Variants in DNASE1 observed in about 807,000 individuals in gnomAD.
DNASE1 encodes deoxyribonuclease-1.
A neutral mutation model predicts 33.9 loss-of-function variants in DNASE1; 40 were observed. That is an observed-to-expected ratio of 1.18 (90% CI 0.92 to 1.54). DNASE1 has a LOEUF of 1.54. Ranked by LOEUF, DNASE1 falls within the 40% of genes most tolerant of loss-of-function variation. The pLI is 0.00. For missense variants in DNASE1, 518 were observed against 372.6 expected (o/e 1.39, Z -3.21); for synonymous variants, 216 against 160.0 (o/e 1.35, Z -2.64).
At chr16:3,660,245 G>A (rs943557306), downstream of DNASE1, 1 of 152,236 alleles carries the variant, frequency 6.6e-6, no homozygotes. Context: ...AAGCCCTAAT[G>A]CTGGCTGCAC....
At chr16:3,650,477 GTTTA>G (rs2042299205), upstream of DNASE1, among the ~76,000 whole-genome samples, 1 of 151,578 alleles carries the variant, frequency 6.6e-6, no homozygotes, top group African/African-American at 2.4e-5. Context: ...ACATTGTCCT[GTTTA>G]TTGTTAGTTT....
upstream of DNASE1, chr16:3,654,524 A>C (rs966599159): frequency 2.5e-6 from 1 of 398,548 alleles, no homozygotes; most frequent in East Asian, 3.6e-5. Flanking sequence ...GCCCCCAGAC[A>C]AGAGACAGGG....
downstream of DNASE1, chr16:3,660,324 A>C (rs2042998770): frequency 6.6e-6 from 1 of 152,232 alleles, no homozygotes; most frequent in Non-Finnish European, 1.5e-5. Context: ...TGGACAGAAC[A>C]CCAAATTTTA....
intron 7 of DNASE1, 28 bp from the exon 8 acceptor site, chr16:3,657,692 C>T (rs781068967): frequency 6.2e-7 from 1 of 1,613,252 alleles, no homozygotes; most frequent in African/African-American, 1.3e-5. Context: ...GAAAGGGGAA[C>T]CTACTTTCTC....
At chr16:3,634,564 T>C (rs1242586748) in intron 1 of DNASE1, among the ~76,000 whole-genome samples, 1 of 152,066 alleles carries the variant, frequency 6.6e-6, no homozygotes, top group Admixed American at 6.6e-5. Flanking sequence ...GGCTGGAATA[T>C]AGTGGTGCGA....
upstream of DNASE1, chr16:3,640,896 G>A (rs939718985): frequency 2.0e-5 from 8 of 398,446 alleles, no homozygotes; most frequent in African/African-American, 4.1e-5. Context: ...ACAGGAGCCC[G>A]TCACCCATGA....
intron 1 of DNASE1, among the ~76,000 whole-genome samples, chr16:3,619,087 T>A (rs1318922126): frequency 2.6e-5 from 4 of 151,790 alleles, no homozygotes; most frequent in Non-Finnish European, 4.4e-5. Context: ...CAGAATGGAG[T>A]GCAGTGGGGC....
chr16:3,664,824 G>A (rs961705238), exon 10 of DNASE1: 5 of 219,292 alleles, frequency 2.3e-5, no homozygotes, highest in South Asian at 6.8e-5. Context: ...ACACGGACAC[G>A]GGTGAAGTCC....
At chr16:3,662,609 G>T, downstream of DNASE1, 1 of 649,414 alleles carries the variant, frequency 1.5e-6, no homozygotes, top group Non-Finnish European at 2.9e-6. Context: ...CACGTCCTCA[G>T]CCATTGCAGC....
chr16:3,658,188 G>C (rs758903218), downstream of DNASE1: 23 of 1,614,102 alleles, frequency 1.4e-5, no homozygotes, highest in Non-Finnish European at 1.9e-5. Flanking sequence ...ATGGCCCTAG[G>C]GTCGTCAACA....
rs200976238 is a variant in DNASE1 at position 3,613,908 on chromosome 16, ATTTTTTT to A, written c.-1359+1919_-1359+1925del. ...AGGCGCCCGCAACCGCGCCTGGCTA[ATTTTTTT>A]TTTTTTTTTTTTTTTTGGACAAAAT... On this transcript the variant is annotated intron_variant and NMD_transcript_variant, in intron 1 of 11. Coordinates refer to the DNASE1 transcript ENST00000570769. 5.0e-3 allele frequency among the ~76,000 whole-genome samples: 567 copies of A among 113,136 alleles called. 1 individual carries two copies. Among genetic ancestry groups the A allele is most frequent in the Non-Finnish European group, 7.6e-3 (425 of 55,878 alleles). 74.2% of individuals were successfully genotyped at this position (113,136 alleles called of 152,430 possible). A position where few individuals can be genotyped will look rare whatever the true frequency, so the allele number is the denominator to read the frequency against.
rs183736445 is a variant in DNASE1, at chr16:3,643,840, C to G, written c.-86+804C>G. On this transcript the variant is annotated intron_variant, in intron 1 of 9. Transcript: ENST00000407479. ...GCAGTGGCGCGATCTCGGCTCACTGCAAGCTCTGCCATCCGGGTTCACGCC... is the reference window on the plus strand; with the variant it reads ...GCAGTGGCGCGATCTCGGCTCACTGGAAGCTCTGCCATCCGGGTTCACGCC... Among the ~76,000 whole-genome samples, 630 of 152,282 alleles carry G rather than the reference C, an allele frequency of 4.1e-3. 4 individuals carry two copies. Among genetic ancestry groups the G allele is most frequent in the African/African-American group, 0.014 (588 of 41,542 alleles).
chr16:3,642,086 A>G (rs74829693), upstream of DNASE1, among the ~76,000 whole-genome samples: 8,271 of 152,248 alleles, frequency 0.054, 240 homozygotes, highest in South Asian at 0.11. Context: ...ACTAGCACAG[A>G]GTTCCTGCTG....
chr16:3,632,116 G>A (rs1567193149), intron 1 of DNASE1, among the ~76,000 whole-genome samples: 2 of 152,254 alleles, frequency 1.3e-5, no homozygotes, highest in South Asian at 4.1e-4. Context: ...CTGCTAAGGC[G>A]TGTTTTATGG....
At chr16:3,663,586 C>T in exon 10 of DNASE1, 1 of 1,612,840 alleles carries the variant, frequency 6.2e-7, no homozygotes, top group Middle Eastern at 1.7e-4. Flanking sequence ...AGAGCAGCTC[C>T]ATCAGACCCC....
In DNASE1 at chr16:3,656,658, T is replaced by C. The variant is rs1478959101; in HGVS notation, c.341T>C (p.Val114Ala). 6.2e-7 allele frequency: 1 copy of C among 1,612,592 alleles called. No individual in the cohort carries two copies. ...CGCAGGCCTGACCAGGTGTCTGCGGTGGACAGCTACTACTACGATGATGGC... is the reference window on the plus strand; with the variant it reads ...CGCAGGCCTGACCAGGTGTCTGCGGCGGACAGCTACTACTACGATGATGGC... ...FVYRPDQVSA[V>A]DSYYYDDGCE... The change falls in exon 5 of 9, where the codon GTG becomes GCG. Residue 114 changes from valine (V) to alanine (A), a missense_variant. Transcript: ENST00000246949.
At chr16:3,634,520 G>A (rs1034918112) in intron 1 of DNASE1, among the ~76,000 whole-genome samples, 10 of 151,764 alleles carry the variant, frequency 6.6e-5, no homozygotes, top group Non-Finnish European at 1.3e-4. Flanking sequence ...GAGCCACTGT[G>A]CCTGGCCGAG....
intron 1 of DNASE1, among the ~76,000 whole-genome samples, chr16:3,643,910 G>A (rs1252865868): frequency 1.3e-5 from 2 of 151,958 alleles, no homozygotes; most frequent in Non-Finnish European, 2.9e-5. Context: ...ACAGGCGCCC[G>A]CCATCATGCC....
intron 1 of DNASE1, among the ~76,000 whole-genome samples, chr16:3,643,761 T>G (rs1291161822): frequency 6.6e-6 from 1 of 152,102 alleles, no homozygotes; most frequent in Non-Finnish European, 1.5e-5. Context: ...TTTTATTATT[T>G]TATTTATTTA....
Sources: gnomAD v4.1 joint callset for allele counts (sites outside exome capture counted in the v4.1 genomes callset) on GRCh38, gnomAD v4.1.1 for gene constraint, MANE v1.5 for transcripts, NCBI Gene and HGNC (gene_info 2026-07-23, HGNC 2026-07-21) for gene names.